Variants in METTL17 observed in about 807,000 individuals in gnomAD.
METTL17 encodes the protein methyltransferase like 17, also known as ribosome assembly protein METTL17, mitochondrial.
In METTL17, 49 loss-of-function variants were observed where a neutral mutation model predicts 59.4. That is an observed-to-expected ratio of 0.82 (90% CI 0.66 to 1.05). The LOEUF (loss-of-function observed/expected upper bound fraction) is 1.05, where lower values mean the gene tolerates loss of function less well. Ranked by LOEUF, METTL17 falls within the 50% of genes least tolerant of loss-of-function variation. The pLI, the probability that METTL17 is intolerant of heterozygous loss-of-function variation, is 0.00. For missense variants in METTL17, 555 were observed against 578.4 expected (o/e 0.96, Z 0.41); for synonymous variants, 208 against 209.2 (o/e 0.99, Z 0.05).
In METTL17 at chr14:20,995,931, C is replaced by G; in HGVS notation, c.976C>G (p.Pro326Ala). The change falls in exon 11 of 14, where the codon CCT becomes GCT. Residue 326 changes from proline to alanine, a missense_variant. Pro to Ala is a conservative substitution (Grantham distance 27). Coordinates refer to ENST00000339374, the MANE Select transcript of METTL17 (RefSeq NM_022734.3). Reference sequence around the variant, plus strand: ...AGAGAAGTCACCTTTGGACCCTCGACCTGGTTTTGTCTTTGCCCCGGTGAG... The same window carrying G: ...AGAGAAGTCACCTTTGGACCCTCGAGCTGGTTTTGTCTTTGCCCCGGTGAG... ...GKEKSPLDPRPGFVFAPCPHE... is the reference protein window; with the variant it reads ...GKEKSPLDPRAGFVFAPCPHE... 6.2e-7 allele frequency: 1 copy of G among 1,614,124 alleles called. No individual in the cohort carries two copies.
At chr14:20,994,697 G>C in intron 8 of METTL17, 84 bp downstream of exon 8, 4 of 1,529,004 alleles carry the variant, frequency 2.6e-6, no homozygotes, top group Non-Finnish European at 3.6e-6. Context: ...CCAGCACTGA[G>C]TGTTAGAAGA....
intron 11 of METTL17, 79 bp from the exon 12 acceptor site, chr14:20,996,108 CCTCCCTTCTCCCTGGCCCCTTT>C: frequency 9.3e-7 from 1 of 1,073,832 alleles, no homozygotes; most frequent in Non-Finnish European, 1.4e-6. Flanking sequence ...CTGCTCCTGT[CCTCCCTTCTCCCTGGCCCCTTT>C]TGACTCTATT....
intron 7 of METTL17, 102 bp from the exon 8 acceptor site, chr14:20,994,441 T>A: frequency 9.9e-7 from 1 of 1,008,538 alleles, no homozygotes; most frequent in Non-Finnish European, 1.5e-6. Flanking sequence ...CTTTTTGATA[T>A]ACACTTTACC....
chr14:20,993,084 T>C, intron 5 of METTL17, 34 bp from the exon 6 acceptor site: 2 of 1,591,224 alleles, frequency 1.3e-6, no homozygotes, highest in Non-Finnish European at 1.7e-6. Flanking sequence ...AAGTATCTAA[T>C]TACCCTACTG....
chr14:20,993,661 G>A (rs1016153277), intron 6 of METTL17: 3 of 223,258 alleles, frequency 1.3e-5, no homozygotes, highest in South Asian at 1.5e-4. Flanking sequence ...TTTTAGTAGA[G>A]ACGGGGTTTC....
At chr14:20,996,764 C>T (rs376893811) in intron 13 of METTL17, 21 bp from the exon 14 acceptor site, 60 of 1,614,174 alleles carry the variant, frequency 3.7e-5, no homozygotes, top group South Asian at 3.6e-4. Context: ...CTGCAGCCCA[C>T]GCCAGCATCT....
Position 20,996,795 on chromosome 14 carries a change from C to G in METTL17, c.1276C>G (p.Arg426Gly). 4.3e-6 allele frequency: 7 copies of G among 1,614,188 alleles called. No homozygotes were observed. The highest frequency in any genetic ancestry group is 2.2e-5 in the East Asian group (1 of 44,876). Reference sequence around the variant, plus strand: ...CATCTGTTTCCACAGGGATTTGTATCGTTGTGCCCGTGTCAGCTCCTGGGG... The same window carrying G: ...CATCTGTTTCCACAGGGATTTGTATGGTTGTGCCCGTGTCAGCTCCTGGGG... ...TARRHGRDLY[R>G]CARVSSWGDL... is the part of the protein sequence containing the mutation. Residue 426 changes from arginine (R) to glycine (G), a missense_variant, in exon 14 of 14, where the codon CGT (arginine) becomes GGT (glycine). Coordinates refer to ENST00000339374, the MANE Select transcript of METTL17 (RefSeq NM_022734.3).
In METTL17 at chr14:20,994,800, T is replaced by C; in HGVS notation, c.775T>C (p.Phe259Leu). Residue 259 changes from phenylalanine (F) to leucine (L), a missense_variant, in exon 9 of 14, where the codon TTT (phenylalanine) becomes CTT (leucine). Phe to Leu is a conservative substitution (Grantham distance 22). Coordinates refer to ENST00000339374, the MANE Select transcript of METTL17 (RefSeq NM_022734.3). ...QFLPVSPKVQ[F>L]DVVVSAFSLS... ...TCCTTGTCTTGGTCCTCAGGTGCAG[T>C]TTGATGTAGTAGTGTCAGCTTTTTC... is the stretch of plus-strand genomic sequence containing the variant. 6.2e-7 allele frequency: 1 copy of C among 1,613,694 alleles called. No homozygotes were observed. Among genetic ancestry groups the C allele is most frequent in the South Asian group, 1.1e-5 (1 of 91,030 alleles).
At position 20,996,293 on chromosome 14, in the gene METTL17, G is replaced by A. The variant is rs762921469; in HGVS notation, c.1080+1G>A. The A allele has an allele frequency of 1.5e-5, 25 of 1,613,668 alleles. No homozygotes were observed. Among genetic ancestry groups the A allele is most frequent in the Non-Finnish European group, 2.0e-5 (24 of 1,179,842 alleles). On this transcript the variant is annotated splice_donor_variant, in intron 12 of 13. Coordinates refer to ENST00000339374, the MANE Select transcript of METTL17 (RefSeq NM_022734.3). LOFTEE classifies it high-confidence loss of function. The stretch of plus-strand genomic sequence containing the variant: ...GTACCATCCCATCCCCTTCAGCTGG[G>A]TAGGTACCTGGGGATATTGCAGCAG...
intron 10 of METTL17, 66 bp from the exon 11 acceptor site, chr14:20,995,835 C>T: frequency 1.5e-6 from 2 of 1,322,786 alleles, no homozygotes; most frequent in Non-Finnish European, 2.2e-6. Flanking sequence ...TTACTGAGTG[C>T]AGAGATTGAA....
At chr14:20,991,578 T>C (rs150275919) in intron 3 of METTL17, among the ~76,000 whole-genome samples, 2,609 of 152,198 alleles carry the variant, frequency 0.017, 66 homozygotes, top group African/African-American at 0.059. Flanking sequence ...TTGCCCAGGC[T>C]ATAGTGCAGT....
Position 20,995,203 on chromosome 14 carries a change from T to C in METTL17, c.915T>C (p.Leu305=), listed in dbSNP as rs754332626. The change falls in exon 10 of 14, where the codon CTT becomes CTC. Residue 305 remains leucine (L), a synonymous_variant. Transcript: ENST00000339374. ...VENGTKAGHS[L]LMDARDLVLK... ...ATGGAACAAAAGCTGGGCACAGCCT[T>C]CTCATGGATGCCAGGGATCTGGTCC... is the stretch of plus-strand genomic sequence containing the variant. The C allele has an allele frequency of 1.5e-5, 24 of 1,614,102 alleles. No individual in the cohort carries two copies. The highest frequency in any genetic ancestry group is 1.6e-4 in the Middle Eastern group (1 of 6,084).
chr14:20,995,882 T>C lies in METTL17; in HGVS notation c.946-19T>C. The C allele has an allele frequency of 6.2e-7, 1 of 1,613,104 alleles. No individual in the cohort carries two copies. The highest frequency in any genetic ancestry group is 8.5e-7 in the Non-Finnish European group (1 of 1,179,054). ...GACCCTTGGCCCAGCTTTATTTCTT[T>C]TATTTCCTTTGATTTCAGGGAAAAG... On this transcript the variant is annotated intron_variant, in intron 10 of 13. Transcript: ENST00000339374.
intron 3 of METTL17, chr14:20,991,851 C>T (rs1470338776): frequency 1.8e-5 from 6 of 326,736 alleles, no homozygotes; most frequent in Admixed American, 5.6e-5. Flanking sequence ...TTGTATCACA[C>T]TTTCCTTTAA....
At chr14:20,991,771 C>T (rs531811885) in intron 3 of METTL17, 8 of 216,924 alleles carry the variant, frequency 3.7e-5, no homozygotes, top group South Asian at 2.4e-4. Flanking sequence ...CCTCGTGATC[C>T]GCCTGCCTCA....
chr14:20,995,300 G>A (rs548746231), intron 10 of METTL17, 67 bp downstream of exon 10: 13 of 1,398,740 alleles, frequency 9.3e-6, no homozygotes, highest in East Asian at 4.6e-5. Context: ...TCTTGAAAAC[G>A]AAAGAGACTG....
chr14:20,993,757 G>C (rs374788836), intron 6 of METTL17: 6 of 352,676 alleles, frequency 1.7e-5, no homozygotes, highest in South Asian at 9.0e-5. Flanking sequence ...ACAAGCATGA[G>C]CCACTGTGCC....
rs773574389 is a variant in METTL17 at position 20,990,458 on chromosome 14, C to A, written c.230-6C>A. 1 of 1,614,088 alleles carries A rather than the reference C, an allele frequency of 6.2e-7. No individual in the cohort carries two copies. Among genetic ancestry groups the A allele is most frequent in the African/African-American group, 1.3e-5 (1 of 75,038 alleles). On this transcript the variant is annotated splice_region_variant and splice_polypyrimidine_tract_variant and intron_variant, in intron 2 of 13. Coordinates refer to ENST00000339374, the MANE Select transcript of METTL17 (RefSeq NM_022734.3). ...AGTGATTCCGCTTTTCGTCTTTGGC[C>A]CATAGGGAGCGCTGGGCCCACTATG... is the stretch of plus-strand genomic sequence containing the variant.
In METTL17 at chr14:20,990,347, C is replaced by T; in HGVS notation, c.193C>T (p.Gln65Ter). 4 of 1,614,264 alleles carry T rather than the reference C, an allele frequency of 2.5e-6. No homozygotes were observed. Among genetic ancestry groups the T allele is most frequent in the Non-Finnish European group, 1.7e-6 (2 of 1,180,036 alleles). Residue 65 changes from glutamine to a stop codon, truncating the protein, a stop_gained, in exon 2 of 14, where the codon CAG becomes TAG. Coordinates refer to ENST00000339374, the MANE Select transcript of METTL17 (RefSeq NM_022734.3). LOFTEE classifies it high-confidence loss of function. ...ILKLPHVRLP[Q>*]ALANGAQLLL... ...AAAGCTGCCGCACGTGCGGCTGCCA[C>T]AGGCACTGGCTAACGGTGCCCAGTT...
Sources: gnomAD v4.1 joint callset for allele counts (sites outside exome capture counted in the v4.1 genomes callset) on GRCh38, gnomAD v4.1.1 for gene constraint, MANE v1.5 for transcripts, NCBI Gene and HGNC (gene_info 2026-07-23, HGNC 2026-07-21) for gene names.